The following ASB18 variants were observed in gnomAD, a reference collection of about 807,000 sequenced individuals.
ASB18 encodes ankyrin repeat and SOCS box protein 18.
Under a neutral mutation model 33.4 loss-of-function variants are expected in ASB18, and 33 were observed. That is an observed-to-expected ratio of 0.99 (90% CI 0.75 to 1.32). The LOEUF (loss-of-function observed/expected upper bound fraction) is 1.32. Ranked by LOEUF, ASB18 falls within the 40% of genes most tolerant of loss-of-function variation. The pLI is 0.00. For synonymous variants in ASB18, 295 were observed against 307.6 expected (o/e 0.96, Z 0.43); for missense variants, 694 against 655.5 (o/e 1.06, Z -0.64).
rs1373885980 is a variant in ASB18 at position 236,251,741 on chromosome 2, T to G, written c.206-10339A>C. Among the ~76,000 whole-genome samples the G allele has an allele frequency of 6.6e-6, 1 of 152,224 alleles. No homozygotes were observed. The highest frequency in any genetic ancestry group is 2.1e-4 in the South Asian group (1 of 4,828). On this transcript the variant is annotated intron_variant, in intron 1 of 5. Transcript: ENST00000409749. The surrounding 1 kb of genome is among the most constrained non-coding windows in gnomAD (Gnocchi z 5.3). ...GAACTGTAAGTGACTGCTGAAACAC[T>G]GGACTGCTAATCACGTTCAATTTTA...
intron 3 of ASB18, among the ~76,000 whole-genome samples, chr2:236,233,962 A>G (rs11680714): frequency 0.17 from 25,469 of 152,238 alleles, 2,186 homozygotes; most frequent in South Asian, 0.24. Context: ...AGGAAGAACT[A>G]TGCTTGAAAA....
At chr2:236,202,777 C>CAAAAAAAAAAAAAAAAAAA (rs34973734) in intron 4 of ASB18, among the ~76,000 whole-genome samples, 1 of 68,738 alleles carries the variant, frequency 1.5e-5, no homozygotes, top group African/African-American at 5.5e-5. Flanking sequence ...GACTCCGTCT[C>CAAAAAAAAAAAAAAAAAAA]AAAAAAAAAA....
chr2:236,202,359 C>T (rs1012189983), intron 4 of ASB18, among the ~76,000 whole-genome samples: 6 of 151,872 alleles, frequency 4.0e-5, no homozygotes, highest in African/African-American at 1.5e-4. Context: ...ATAAATCAAG[C>T]GTTTGGTCTC....
At position 236,256,645 on chromosome 2, in the gene ASB18, G is replaced by A. The variant is rs931453295; in HGVS notation, c.205+7496C>T. ...TTGGGGATGATGTTAATAGATGGAT[G>A]TCATCAGCATACATTATTTCTTTAT... On this transcript the variant is annotated intron_variant, in intron 1 of 5. Coordinates refer to ENST00000409749, the MANE Select transcript of ASB18 (RefSeq NM_212556.4). The surrounding 1 kb of genome is among the most constrained non-coding windows in gnomAD (Gnocchi z 4.7). Among the ~76,000 whole-genome samples the A allele has an allele frequency of 6.6e-6, 1 of 152,190 alleles. No homozygotes were observed. Among genetic ancestry groups the A allele is most frequent in the African/African-American group, 2.4e-5 (1 of 41,438 alleles).
rs115433513 is a variant in ASB18, at chr2:236,253,514, C to A, written c.205+10627G>T. Among the ~76,000 whole-genome samples, 1,464 of 150,012 alleles carry A rather than the reference C, an allele frequency of 9.8e-3. 30 individuals are homozygous for A. Among genetic ancestry groups the A allele is most frequent in the African/African-American group, 0.034 (1,376 of 40,524 alleles). On this transcript the variant is annotated intron_variant, in intron 1 of 5. Coordinates refer to ENST00000409749, the MANE Select transcript of ASB18 (RefSeq NM_212556.4). The surrounding 1 kb of genome is among the most constrained non-coding windows in gnomAD (Gnocchi z 5.4). ...ACCTCAGTCTCCTGAGTCGCTGGGA[C>A]TACAGCCACTTGCTGGTTAACTTAT...
rs1328550455 is a variant in ASB18, at chr2:236,221,131, G to A, written c.597-6265C>T. Among the ~76,000 whole-genome samples, 4 of 152,162 alleles carry A rather than the reference G, an allele frequency of 2.6e-5. No individual in the cohort carries two copies. The highest frequency in any genetic ancestry group is 3.9e-4 in the East Asian group (2 of 5,192). ...AGAGGATGGTGGCCTTGCAGTCAGTGTGTCCTGTTTGGGATATGAACTCCA... is the reference window on the plus strand; with the variant it reads ...AGAGGATGGTGGCCTTGCAGTCAGTATGTCCTGTTTGGGATATGAACTCCA... On this transcript the variant is annotated intron_variant, in intron 3 of 5. Coordinates refer to ENST00000409749, the MANE Select transcript of ASB18 (RefSeq NM_212556.4). This position sits in a 1 kb window ranked among gnomAD's most constrained non-coding sequence, Gnocchi z 5.6.
chr2:236,214,512 G>T lies in ASB18; in HGVS notation c.951C>A (p.Ala317=), dbSNP rs868198216. 2.0e-6 allele frequency: 3 copies of T among 1,468,146 alleles called. No individual in the cohort carries two copies. Among genetic ancestry groups the T allele is most frequent in the Non-Finnish European group, 2.7e-6 (3 of 1,121,380 alleles). 90.9% of individuals were successfully genotyped at this position (1,468,146 alleles called of 1,614,324 possible). ...CGCCATAGTCGAGCGCGCCCGCGTC[G>T]GCGCCGTGCCGCAGTAGGAGGCGCG... is the stretch of plus-strand genomic sequence containing the variant. ...SLARLLLRHG[A]DAGALDYGGA... Residue 317 remains alanine (A), a synonymous_variant, in exon 4 of 6, where the codon GCC becomes GCA. Transcript: ENST00000409749. The surrounding 1 kb of genome is among the most constrained non-coding windows in gnomAD (Gnocchi z 6.5).
chr2:236,245,245 C>T lies in ASB18; in HGVS notation c.206-3843G>A, dbSNP rs2060639380. 6.6e-6 allele frequency among the ~76,000 whole-genome samples: 1 copy of T among 152,214 alleles called. No individual in the cohort carries two copies. Among genetic ancestry groups the T allele is most frequent in the African/African-American group, 2.4e-5 (1 of 41,466 alleles). ...GCTCTTGTGGGGTCAGGGCTAGCTG[C>T]CCTTGGGGGCTGCTGCTCCCTGGAC... On this transcript the variant is annotated intron_variant, in intron 1 of 5. Coordinates refer to ENST00000409749, the MANE Select transcript of ASB18 (RefSeq NM_212556.4). The surrounding 1 kb of genome is among the most constrained non-coding windows in gnomAD (Gnocchi z 4.7).
In ASB18 at chr2:236,214,294, G is replaced by A. The variant is rs1345047449; in HGVS notation, c.1101+68C>T. The A allele has an allele frequency of 6.7e-6, 10 of 1,498,596 alleles. No individual in the cohort carries two copies. The highest frequency in any genetic ancestry group is 8.9e-6 in the Non-Finnish European group (10 of 1,120,098). 92.8% of individuals were successfully genotyped at this position (1,498,596 alleles called of 1,614,324 possible). ...CTTTGAGAGCGCCGCATGCAACCCA[G>A]CTCCCAGGCCGGTCACTAAGTGGCA... On this transcript the variant is annotated intron_variant, in intron 4 of 5. Coordinates refer to ENST00000409749, the MANE Select transcript of ASB18 (RefSeq NM_212556.4). The surrounding 1 kb of genome is among the most constrained non-coding windows in gnomAD (Gnocchi z 6.5).
rs111975448 is a variant in ASB18 at position 236,217,424 on chromosome 2, A to ATAATAAAT, written c.597-2559_597-2558insATTTATTA. 2.7e-5 allele frequency among the ~76,000 whole-genome samples: 4 copies of ATAATAAAT among 150,406 alleles called. No homozygotes were observed. Among genetic ancestry groups the ATAATAAAT allele is most frequent in the African/African-American group, 9.9e-5 (4 of 40,516 alleles). On this transcript the variant is annotated intron_variant, in intron 3 of 5. Coordinates refer to ENST00000409749, the MANE Select transcript of ASB18 (RefSeq NM_212556.4). This position sits in a 1 kb window ranked among gnomAD's most constrained non-coding sequence, Gnocchi z 5.2. ...CGAGACTCTGTCTCAAAAAAAAAAA[A>ATAATAAAT]AAATAAATCTTGGCACCTTCAACTC...
At chr2:236,202,777 C>CAAA (rs34973734) in intron 4 of ASB18, among the ~76,000 whole-genome samples, 59 of 68,660 alleles carry the variant, frequency 8.6e-4, no homozygotes, top group East Asian at 2.6e-3. Flanking sequence ...GACTCCGTCT[C>CAAA]AAAAAAAAAA....
In ASB18 at chr2:236,195,395, C is replaced by T. The variant is rs1311637344; in HGVS notation, c.1216-338G>A. Among the ~76,000 whole-genome samples, 1 of 152,170 alleles carries T rather than the reference C, an allele frequency of 6.6e-6. No homozygotes were observed. Among genetic ancestry groups the T allele is most frequent in the East Asian group, 1.9e-4 (1 of 5,188 alleles). On this transcript the variant is annotated intron_variant, in intron 5 of 5. Coordinates refer to ENST00000409749, the MANE Select transcript of ASB18 (RefSeq NM_212556.4). The surrounding 1 kb of genome is among the most constrained non-coding windows in gnomAD (Gnocchi z 5.5). Reference sequence around the variant, plus strand: ...CCCTGTTCATCTCCCCAAGTCATGACCAGCTCTTCCCTTCTGCCAGGGAGG... The same window carrying T: ...CCCTGTTCATCTCCCCAAGTCATGATCAGCTCTTCCCTTCTGCCAGGGAGG...
At chr2:236,206,204 T>G (rs566972008) in intron 4 of ASB18, among the ~76,000 whole-genome samples, 5 of 147,558 alleles carry the variant, frequency 3.4e-5, no homozygotes, top group African/African-American at 1.3e-4. Flanking sequence ...TTTTTTTTTT[T>G]GCACTTAAGA....
In ASB18 at chr2:236,221,056, AG is replaced by A. The variant is rs2060508729; in HGVS notation, c.597-6191del. ...ATGGCATCCTCCCTCCTTTTTGGTG[AG>A]GAGTTCATCTTTGAGGTTTAAGCAG... On this transcript the variant is annotated intron_variant, in intron 3 of 5. Coordinates refer to ENST00000409749, the MANE Select transcript of ASB18 (RefSeq NM_212556.4). This position sits in a 1 kb window ranked among gnomAD's most constrained non-coding sequence, Gnocchi z 5.6. 6.6e-6 allele frequency among the ~76,000 whole-genome samples: 1 copy of A among 151,992 alleles called. No homozygotes were observed. The highest frequency in any genetic ancestry group is 2.4e-5 in the African/African-American group (1 of 41,370).
rs397737150 is a variant in ASB18, at chr2:236,232,274, A to AAT, written c.596+5414_596+5415insAT. Among the ~76,000 whole-genome samples, 13 of 151,058 alleles carry AAT rather than the reference A, an allele frequency of 8.6e-5. No homozygotes were observed. The East Asian group carries it at 2.5e-3, about 29-fold the overall frequency. On this transcript the variant is annotated intron_variant, in intron 3 of 5. Transcript: ENST00000409749. ...TAACCCATGACTCAAAAAAAAAAAA[A>AAT]GAAAATTAGAAAGTATTTAAAACTG... is the stretch of plus-strand genomic sequence containing the variant.
rs796094704 is a variant in ASB18, at chr2:236,220,407, C to A, written c.597-5541G>T. 3.0e-4 allele frequency among the ~76,000 whole-genome samples: 45 copies of A among 152,324 alleles called. 1 individual carries two copies. The highest frequency in any genetic ancestry group is 1.0e-3 in the African/African-American group (43 of 41,568). ...CCCTGCATGCTCTGCCCAGATACCT[C>A]TTCTCTCAGCCAGAGCCTGTCCAGG... On this transcript the variant is annotated intron_variant, in intron 3 of 5. Coordinates refer to ENST00000409749, the MANE Select transcript of ASB18 (RefSeq NM_212556.4). The surrounding 1 kb of genome is among the most constrained non-coding windows in gnomAD (Gnocchi z 5.1).
chr2:236,228,476 G>A lies in ASB18; in HGVS notation c.596+9213C>T, dbSNP rs2060550844. Among the ~76,000 whole-genome samples, 1 of 152,180 alleles carries A rather than the reference G, an allele frequency of 6.6e-6. No individual in the cohort carries two copies. On this transcript the variant is annotated intron_variant, in intron 3 of 5. Transcript: ENST00000409749. The surrounding 1 kb of genome is among the most constrained non-coding windows in gnomAD (Gnocchi z 5.1). ...TGCAGAGGGCCCCCTTGATTATTCA[G>A]CTCAATACCAATTAGTGTGTGGGCA...
Position 236,244,972 on chromosome 2 carries a change from G to C in ASB18, c.206-3570C>G, listed in dbSNP as rs1212617429. On this transcript the variant is annotated intron_variant, in intron 1 of 5. Coordinates refer to ENST00000409749, the MANE Select transcript of ASB18 (RefSeq NM_212556.4). This position sits in a 1 kb window ranked among gnomAD's most constrained non-coding sequence, Gnocchi z 6.1. ...CTCTTCTACAGAGGAGGGCTGCAGT[G>C]GTGCTGGGTGGGGAGGGATGAGGCC... is the stretch of plus-strand genomic sequence containing the variant. 3.3e-5 allele frequency among the ~76,000 whole-genome samples: 5 copies of C among 152,284 alleles called. No individual in the cohort carries two copies. Among genetic ancestry groups the C allele is most frequent in the South Asian group, 4.2e-4 (2 of 4,818 alleles).
chr2:236,237,615 CGGTCTCGTGGGGGGAGGCGGGCGTCT>C lies in ASB18; in HGVS notation c.596+48_596+73del. The C allele has an allele frequency of 8.9e-7, 1 of 1,121,538 alleles. No individual in the cohort carries two copies. The highest frequency in any genetic ancestry group is 1.1e-6 in the Non-Finnish European group (1 of 908,130). The allele number at this position is 1,121,538 out of a possible 1,614,324, so 69.5% of individuals were successfully genotyped here. ...GGGACGGAGGCGGAGGCGGGGTCGG[CGGTCTCGTGGGGGGAGGCGGGCGTCT>C]GGTCTCGGGGCGGGGCGGACGCCGC... On this transcript the variant is annotated intron_variant, in intron 3 of 5. Transcript: ENST00000409749. The surrounding 1 kb of genome is among the most constrained non-coding windows in gnomAD (Gnocchi z 6.2).
Sources: gnomAD v4.1 joint callset for allele counts (sites outside exome capture counted in the v4.1 genomes callset) on GRCh38, gnomAD v4.1.1 for gene constraint, Gnocchi (gnomAD v3.1) non-coding constraint, MANE v1.5 for transcripts, NCBI Gene and HGNC (gene_info 2026-07-23, HGNC 2026-07-21) for gene names.